GDF15: variants seen among roughly 807,000 people sequenced by gnomAD.
The protein encoded by GDF15 is growth/differentiation factor 15.
GDF15 carries 10 observed loss-of-function variants against 8.9 expected under a neutral mutation model. That is an observed-to-expected ratio of 1.12 (90% confidence interval 0.69 to 1.90). The LOEUF is 1.90. Among genes scored for constraint, GDF15 ranks in the 40% most tolerant of loss-of-function variants. The pLI is 0.00. For missense variants in GDF15, 452 were observed against 434.2 expected (o/e 1.04, Z -0.36); for synonymous variants, 228 against 210.6 (o/e 1.08, Z -0.72).
chr19:18,387,813 C>CTTTTTTTTTTTTTTTTT (rs538473844), intron 1 of GDF15, among the ~76,000 whole-genome samples: 1,891 of 70,272 alleles, frequency 0.027, 284 homozygotes, highest in East Asian at 0.038. Context: ...GAGAAATGCC[C>CTTTTTTTTTTTTTTTTT]TTTTTTTTTT....
rs771328712 is a variant in GDF15 at position 18,388,489 on chromosome 19, C to T, written c.481C>T (p.Pro161Ser). The change falls in exon 2 of 2, where the codon CCG becomes TCG. Residue 161 changes from proline (P) to serine (S), a missense_variant. Physicochemically the swap from Pro to Ser is moderately conservative, Grantham distance 74 (BLOSUM62 -1). Coordinates refer to ENST00000252809, the MANE Select transcript of GDF15 (RefSeq NM_004864.4). This position sits in a 1 kb window ranked among gnomAD's most constrained non-coding sequence, Gnocchi z 4.2. ...QAPALHLRLS[P>S]PPSQSDQLLA... is the part of the protein sequence containing the mutation. ...GCCCGCGCTGCACCTGCGACTGTCG[C>T]CGCCGCCGTCGCAGTCGGACCAACT... 50 of 1,604,520 alleles carry T rather than the reference C, an allele frequency of 3.1e-5. No individual in the cohort carries two copies. The highest frequency in any genetic ancestry group is 4.4e-5 in the South Asian group (4 of 90,536).
Position 18,387,813 on chromosome 19 carries a change from C to CTTTTTTT in GDF15, c.278-453_278-447dup, listed in dbSNP as rs538473844. On this transcript the variant is annotated intron_variant, in intron 1 of 1. Transcript: ENST00000252809. ...CAGGAGATTCAAGGGGAGAAATGCC[C>CTTTTTTT]TTTTTTTTTTTTTTTTTTTTTTTTT... Among the ~76,000 whole-genome samples, 19 of 70,326 alleles carry CTTTTTTT rather than the reference C, an allele frequency of 2.7e-4. 1 individual carries two copies. Among genetic ancestry groups the CTTTTTTT allele is most frequent in the South Asian group, 4.1e-4 (1 of 2,442 alleles). The allele number at this position is 70,326 out of a possible 152,430, so 46.1% of individuals were successfully genotyped here. A position where few individuals can be genotyped will look rare whatever the true frequency, so the allele number is the denominator to read the frequency against.
In GDF15 at chr19:18,386,409, G is replaced by T; in HGVS notation, c.220G>T (p.Glu74Ter). 6.2e-7 allele frequency: 1 copy of T among 1,613,874 alleles called. No homozygotes were observed. Among genetic ancestry groups the T allele is most frequent in the Non-Finnish European group, 8.5e-7 (1 of 1,180,030 alleles). ...LTRLRANQSWEDSNTDLVPAP... is the reference protein window; with the variant it reads ...LTRLRANQSW Reference sequence around the variant, plus strand: ...CAGGCTGCGGGCCAACCAGAGCTGGGAAGATTCGAACACCGACCTCGTCCC... The same window carrying T: ...CAGGCTGCGGGCCAACCAGAGCTGGTAAGATTCGAACACCGACCTCGTCCC... Residue 74 changes from glutamate to a stop codon, truncating the protein, a stop_gained, in exon 1 of 2, where the codon GAA (glutamate) becomes TAA (stop). Transcript: ENST00000252809. LOFTEE classifies it high-confidence loss of function.
Position 18,389,002 on chromosome 19 carries a change from A to G in GDF15, c.*67A>G, listed in dbSNP as rs1971869940. On this transcript the variant is annotated 3_prime_UTR_variant, in exon 2 of 2. Coordinates refer to ENST00000252809, the MANE Select transcript of GDF15 (RefSeq NM_004864.4). ...GACCTCAGTTGTCCTGCCCTGTGGAATGGGCTCAAGGTTCCTGAGACACCC... is the reference window on the plus strand; with the variant it reads ...GACCTCAGTTGTCCTGCCCTGTGGAGTGGGCTCAAGGTTCCTGAGACACCC... The G allele has an allele frequency of 8.7e-7, 1 of 1,154,356 alleles. No homozygotes were observed. Among genetic ancestry groups the G allele is most frequent in the Non-Finnish European group, 1.2e-6 (1 of 809,306 alleles). The allele number at this position is 1,154,356 out of a possible 1,614,324, so 71.5% of individuals were successfully genotyped here.
chr19:18,386,539 G>C lies in GDF15; in HGVS notation c.277+73G>C. 12 of 1,299,520 alleles carry C rather than the reference G, an allele frequency of 9.2e-6. 1 individual carries two copies. The highest frequency in any genetic ancestry group is 1.3e-5 in the Non-Finnish European group (12 of 930,310). The allele number at this position is 1,299,520 out of a possible 1,614,324, so 80.5% of individuals were successfully genotyped here. ...TATCTAATCAGGGATTCCTCATCTT[G>C]AAAAGCCCAGACCTACCTTTGAGCC... On this transcript the variant is annotated intron_variant, in intron 1 of 1. Transcript: ENST00000252809.
chr19:18,386,479 T>C lies in GDF15; in HGVS notation c.277+13T>C. 6.2e-7 allele frequency: 1 copy of C among 1,602,954 alleles called. No individual in the cohort carries two copies. The highest frequency in any genetic ancestry group is 1.1e-5 in the South Asian group (1 of 90,936). ...CTCACGCCAGAAGGTAAGTGAAATCTTAGAGATCCCCTCCCACCCCCCAAG... is the reference window on the plus strand; with the variant it reads ...CTCACGCCAGAAGGTAAGTGAAATCCTAGAGATCCCCTCCCACCCCCCAAG... On this transcript the variant is annotated intron_variant, in intron 1 of 1. Coordinates refer to ENST00000252809, the MANE Select transcript of GDF15 (RefSeq NM_004864.4).
Position 18,388,374 on chromosome 19 carries a change from G to A in GDF15, c.366G>A (p.Arg122=). The change falls in exon 2 of 2, where the codon CGG becomes CGA. Residue 122 remains arginine (R), a synonymous_variant. Coordinates refer to ENST00000252809, the MANE Select transcript of GDF15 (RefSeq NM_004864.4). The surrounding 1 kb of genome is among the most constrained non-coding windows in gnomAD (Gnocchi z 4.2). The stretch of plus-strand genomic sequence containing the variant: ...TCCCCGAGGCCTCCCGCCTTCACCG[G>A]GCTCTGTTCCGGCTGTCCCCGACGG... ...EGLPEASRLH[R]ALFRLSPTAS... is the part of the protein sequence containing the mutation. 6.2e-7 allele frequency: 1 copy of A among 1,611,876 alleles called. No individual in the cohort carries two copies. The highest frequency in any genetic ancestry group is 8.5e-7 in the Non-Finnish European group (1 of 1,179,778).
In GDF15 at chr19:18,387,813, CTTTTTTTT is replaced by C. The variant is rs538473844; in HGVS notation, c.278-454_278-447del. 9.7e-4 allele frequency among the ~76,000 whole-genome samples: 68 copies of C among 70,316 alleles called. 2 individuals carry two copies. Among genetic ancestry groups the C allele is most frequent in the East Asian group, 1.2e-3 (3 of 2,442 alleles). 46.1% of individuals were successfully genotyped at this position (70,316 alleles called of 152,430 possible). ...CAGGAGATTCAAGGGGAGAAATGCC[CTTTTTTTT>C]TTTTTTTTTTTTTTTTTTGAGAGGG... On this transcript the variant is annotated intron_variant, in intron 1 of 1. Coordinates refer to ENST00000252809, the MANE Select transcript of GDF15 (RefSeq NM_004864.4).
In GDF15 at chr19:18,386,556, C is replaced by T. The variant is rs551556155; in HGVS notation, c.277+90C>T. On this transcript the variant is annotated intron_variant, in intron 1 of 1. Coordinates refer to ENST00000252809, the MANE Select transcript of GDF15 (RefSeq NM_004864.4). ...CTCATCTTGAAAAGCCCAGACCTAC[C>T]TTTGAGCCTCAGTTGCCCCATCTGT... 5.1e-5 allele frequency: 58 copies of T among 1,132,736 alleles called. No homozygotes were observed. The South Asian group carries it at 7.4e-4, about 14-fold the overall frequency. 70.2% of individuals were successfully genotyped at this position (1,132,736 alleles called of 1,614,324 possible).
At position 18,386,287 on chromosome 19, in the gene GDF15, C is replaced by CTCGCATG. The variant is rs1971826970; in HGVS notation, c.98_99insTCGCATG (p.Glu34ArgfsTer267). The CTCGCATG allele has an allele frequency of 6.2e-7, 1 of 1,614,080 alleles. No homozygotes were observed. Among genetic ancestry groups the CTCGCATG allele is most frequent in the Non-Finnish European group, 8.5e-7 (1 of 1,180,026 alleles). On this transcript the variant is annotated frameshift_variant, in exon 1 of 2. Transcript: ENST00000252809. LOFTEE classifies it high-confidence loss of function. ...CCGCATGGGGGCGCCCTGTCTCTGG[C>CTCGCATG]CGAGGCGAGCCGCGCAAGTTTCCCG...
At position 18,388,724 on chromosome 19, in the gene GDF15, T is replaced by G. The variant is rs1971865058; in HGVS notation, c.716T>G (p.Met239Arg). ...TCGCCACGGGAGGTGCAAGTGACCA[T>G]GTGCATCGGCGCGTGCCCGAGCCAG... ...VLSPREVQVTMCIGACPSQFR... is the reference protein window; with the variant it reads ...VLSPREVQVTRCIGACPSQFR... The change falls in exon 2 of 2, where the codon ATG becomes AGG. Residue 239 changes from methionine to arginine, a missense_variant. Coordinates refer to ENST00000252809, the MANE Select transcript of GDF15 (RefSeq NM_004864.4). The surrounding 1 kb of genome is among the most constrained non-coding windows in gnomAD (Gnocchi z 4.2). 2.5e-6 allele frequency: 4 copies of G among 1,609,082 alleles called. No homozygotes were observed. Among genetic ancestry groups the G allele is most frequent in the Non-Finnish European group, 3.4e-6 (4 of 1,179,260 alleles).
chr19:18,387,772 C>G (rs547703417), intron 1 of GDF15, among the ~76,000 whole-genome samples: 1 of 147,294 alleles, frequency 6.8e-6, no homozygotes, highest in Admixed American at 6.9e-5. Context: ...GAGGAGGAGC[C>G]AGCCATACTG....
Position 18,386,766 on chromosome 19 carries a change from G to T in GDF15, c.277+300G>T, listed in dbSNP as rs952904315. ...GGGAAACCCGGGGACGGGGTCGGGC[G>T]TGCGGTGTGGGCATGGTCCCTGACC... On this transcript the variant is annotated intron_variant, in intron 1 of 1. Coordinates refer to ENST00000252809, the MANE Select transcript of GDF15 (RefSeq NM_004864.4). 8 of 440,882 alleles carry T rather than the reference G, an allele frequency of 1.8e-5. No homozygotes were observed. In the East Asian group the frequency reaches 3.0e-4, roughly 17 times the overall value. 27.3% of individuals were successfully genotyped at this position (440,882 alleles called of 1,614,324 possible). A position where few individuals can be genotyped will look rare whatever the true frequency, so the allele number is the denominator to read the frequency against.
At position 18,388,831 on chromosome 19, in the gene GDF15, G is replaced by C. The variant is rs759715270; in HGVS notation, c.823G>C (p.Val275Leu). The change falls in exon 2 of 2, where the codon GTG becomes CTG. Residue 275 changes from valine to leucine, a missense_variant. Coordinates refer to ENST00000252809, the MANE Select transcript of GDF15 (RefSeq NM_004864.4). The surrounding 1 kb of genome is among the most constrained non-coding windows in gnomAD (Gnocchi z 4.2). ...KPDTVPAPCC[V>L]PASYNPMVLI... ...CGACACGGTGCCAGCGCCCTGCTGC[G>C]TGCCCGCCAGCTACAATCCCATGGT... 2 of 1,612,058 alleles carry C rather than the reference G, an allele frequency of 1.2e-6. No individual in the cohort carries two copies. The highest frequency in any genetic ancestry group is 1.7e-6 in the Non-Finnish European group (2 of 1,179,950).
chr19:18,386,208 AGGACGGTGAATGGCTCTCAGATGCTCCT>A lies in GDF15; in HGVS notation c.22_49del (p.Thr8CysfsTer48). 1.9e-6 allele frequency: 3 copies of A among 1,612,236 alleles called. No homozygotes were observed. ...CACAGCCATGCCCGGGCAAGAACTC[AGGACGGTGAATGGCTCTCAGATGCTCCT>A]GGTGTTGCTGGTGCTCTCGTGGCTG... On this transcript the variant is annotated frameshift_variant, in exon 1 of 2. Coordinates refer to ENST00000252809, the MANE Select transcript of GDF15 (RefSeq NM_004864.4). LOFTEE classifies it high-confidence loss of function.
At chr19:18,387,769 A>C (rs1297321059) in intron 1 of GDF15, among the ~76,000 whole-genome samples, 1 of 144,108 alleles carries the variant, frequency 6.9e-6, no homozygotes, top group African/African-American at 2.6e-5. Context: ...GAAGAGGAGG[A>C]GCCAGCCATA....
In GDF15 at chr19:18,388,727, G is replaced by T; in HGVS notation, c.719G>T (p.Cys240Phe). ...CCACGGGAGGTGCAAGTGACCATGT[G>T]CATCGGCGCGTGCCCGAGCCAGTTC... ...LSPREVQVTM[C>F]IGACPSQFRA... The change falls in exon 2 of 2, where the codon TGC becomes TTC. Residue 240 changes from cysteine (C) to phenylalanine (F), a missense_variant. Transcript: ENST00000252809. The surrounding 1 kb of genome is among the most constrained non-coding windows in gnomAD (Gnocchi z 4.2). 1 of 1,608,910 alleles carries T rather than the reference G, an allele frequency of 6.2e-7. No individual in the cohort carries two copies. Among genetic ancestry groups the T allele is most frequent in the South Asian group, 1.1e-5 (1 of 91,014 alleles).
Position 18,388,392 on chromosome 19 carries a change from C to T in GDF15, c.384C>T (p.Ser128=). ...SRLHRALFRL[S]PTASRSWDVT... is the part of the protein sequence containing the mutation. ...TTCACCGGGCTCTGTTCCGGCTGTCCCCGACGGCGTCAAGGTCGTGGGACG... is the reference window on the plus strand; with the variant it reads ...TTCACCGGGCTCTGTTCCGGCTGTCTCCGACGGCGTCAAGGTCGTGGGACG... Residue 128 remains serine (S), a synonymous_variant, in exon 2 of 2, where the codon TCC becomes TCT. Transcript: ENST00000252809. This position sits in a 1 kb window ranked among gnomAD's most constrained non-coding sequence, Gnocchi z 4.2. 6.2e-7 allele frequency: 1 copy of T among 1,611,622 alleles called. No homozygotes were observed. The highest frequency in any genetic ancestry group is 8.5e-7 in the Non-Finnish European group (1 of 1,179,584).
Position 18,386,194 on chromosome 19 carries a change from C to G in GDF15, c.5C>G (p.Pro2Arg), listed in dbSNP as rs998533003. The change falls in exon 1 of 2, where the codon CCC (proline) becomes CGC (arginine). Residue 2 changes from proline to arginine, a missense_variant. Physicochemically the swap from Pro to Arg is moderately radical, Grantham distance 103. Coordinates refer to ENST00000252809, the MANE Select transcript of GDF15 (RefSeq NM_004864.4). M[P>R]GQELRTVNGS... ...AGAGCCGCAACCTGCACAGCCATGCCCGGGCAAGAACTCAGGACGGTGAAT... is the reference window on the plus strand; with the variant it reads ...AGAGCCGCAACCTGCACAGCCATGCGCGGGCAAGAACTCAGGACGGTGAAT... 1.9e-6 allele frequency: 3 copies of G among 1,610,850 alleles called. No individual in the cohort carries two copies. The African/African-American group carries it at 4.0e-5, about 22-fold the overall frequency.
Sources: gnomAD v4.1 joint callset for allele counts (sites outside exome capture counted in the v4.1 genomes callset) on GRCh38, gnomAD v4.1.1 for gene constraint, Gnocchi (gnomAD v3.1) non-coding constraint, MANE v1.5 for transcripts, NCBI Gene and HGNC (gene_info 2026-07-23, HGNC 2026-07-21) for gene names.